DARS1: variants seen among roughly 807,000 people sequenced by gnomAD.
DARS1 encodes the protein aspartate--tRNA ligase, cytoplasmic.
In DARS1, 51 loss-of-function variants were observed where a neutral mutation model predicts 68.8. The observed-to-expected ratio is 0.74, with a 90% CI of 0.59 to 0.94. The LOEUF (loss-of-function observed/expected upper bound fraction) is 0.94. Among genes scored for constraint, DARS1 ranks in the 40% least tolerant of loss-of-function variants. DARS1 has a pLI of 0.00. For synonymous variants in DARS1, 203 were observed against 190.4 expected (o/e 1.07, Z -0.55); for missense variants, 607 against 597.3 (o/e 1.02, Z -0.17).
Position 135,963,765 on chromosome 2 carries a change from C to T in DARS1, c.218-2267G>A, listed in dbSNP as rs144697227. Among the ~76,000 whole-genome samples the T allele has an allele frequency of 7.8e-3, 1,181 of 152,018 alleles. 16 individuals are homozygous for T. Among genetic ancestry groups the T allele is most frequent in the African/African-American group, 0.027 (1,112 of 41,438 alleles). ...CATAATCTCGGCTCACTGCAACCTC[C>T]ACCTTCTGGGTTCAAGCAATTCTCC... is the stretch of plus-strand genomic sequence containing the variant. On this transcript the variant is annotated intron_variant, in intron 3 of 15. Transcript: ENST00000264161.
rs66527494 is a variant in DARS1, at chr2:135,959,391, CAAAAAAAAAAAAAAAAAAAAAA to C, written c.320+1983_320+2004del. Reference sequence around the variant, plus strand: ...GGGCAACAAGAGTGAAACTCCGTCTCAAAAAAAAAAAAAAAAAAAAAAAAAAAAAAAAAAAAAAAAAGATCGC... The same window carrying C: ...GGGCAACAAGAGTGAAACTCCGTCTCAAAAAAAAAAAAAAAAAAAGATCGC... On this transcript the variant is annotated intron_variant, in intron 4 of 15. Transcript: ENST00000264161. 3.0e-3 allele frequency among the ~76,000 whole-genome samples: 45 copies of C among 15,036 alleles called. 1 individual carries two copies. The highest frequency in any genetic ancestry group is 8.1e-3 in the Admixed American group (9 of 1,110). The allele number at this position is 15,036 out of a possible 152,430, so 9.9% of individuals were successfully genotyped here.
intron 4 of DARS1, among the ~76,000 whole-genome samples, chr2:135,944,727 C>T (rs1681681238): frequency 1.3e-5 from 2 of 152,134 alleles, no homozygotes; most frequent in African/African-American, 4.8e-5. Flanking sequence ...TAAGATAAGG[C>T]TCTTCTGAGG....
Position 135,960,345 on chromosome 2 carries a change from C to A in DARS1, c.320+1051G>T, listed in dbSNP as rs184903734. On this transcript the variant is annotated intron_variant, in intron 4 of 15. Coordinates refer to ENST00000264161, the MANE Select transcript of DARS1 (RefSeq NM_001349.4). ...GACGTAATTTGATAAATATCTAAAC[C>A]AAAACCAGCTGCTGAGCATCCTTTA... Among the ~76,000 whole-genome samples, 214 of 152,200 alleles carry A rather than the reference C, an allele frequency of 1.4e-3. 2 individuals carry two copies. The highest frequency in any genetic ancestry group is 9.9e-3 in the Admixed American group (152 of 15,286).
intron 3 of DARS1, among the ~76,000 whole-genome samples, chr2:135,961,888 T>A (rs1178402636): frequency 2.0e-5 from 3 of 152,238 alleles, no homozygotes; most frequent in Non-Finnish European, 4.4e-5. Flanking sequence ...AAAGGCACTG[T>A]ACTACTATGG....
At chr2:135,969,848 A>G (rs1285969544) in intron 3 of DARS1, among the ~76,000 whole-genome samples, 2 of 152,172 alleles carry the variant, frequency 1.3e-5, no homozygotes, top group Non-Finnish European at 2.9e-5. Context: ...TTATGGTCAC[A>G]ATATTTTTGC....
At chr2:135,941,123 C>T (rs1484734510) in intron 5 of DARS1, among the ~76,000 whole-genome samples, 4 of 152,184 alleles carry the variant, frequency 2.6e-5, no homozygotes, top group Non-Finnish European at 5.9e-5. Flanking sequence ...CCCCATCAAG[C>T]TACCAAGGAC....
rs540983157 is a variant in DARS1 at position 135,954,677 on chromosome 2, G to T, written c.320+6719C>A. On this transcript the variant is annotated intron_variant, in intron 4 of 15. Transcript: ENST00000264161. ...AAAGCAAGTGTAGTTACTATACTGA[G>T]TTTTAATTTCAGATTAAGCTTCTTA... Among the ~76,000 whole-genome samples the T allele has an allele frequency of 2.0e-5, 3 of 152,236 alleles. No individual in the cohort carries two copies. The East Asian group carries it at 5.8e-4, about 29-fold the overall frequency.
intron 12 of DARS1, among the ~76,000 whole-genome samples, chr2:135,912,789 T>G (rs1035398095): frequency 1.3e-5 from 2 of 150,208 alleles, no homozygotes; most frequent in Admixed American, 1.4e-4. Context: ...TTACTTATTA[T>G]CCATAGTTTT....
intron 4 of DARS1, among the ~76,000 whole-genome samples, chr2:135,959,510 G>C (rs1365770190): frequency 6.7e-6 from 1 of 150,084 alleles, no homozygotes; most frequent in Non-Finnish European, 1.5e-5. Flanking sequence ...AATTTTATGA[G>C]GGCATTAGTG....
intron 4 of DARS1, among the ~76,000 whole-genome samples, chr2:135,954,590 C>G (rs755347659): frequency 6.6e-6 from 1 of 152,196 alleles, no homozygotes; most frequent in East Asian, 1.9e-4. Context: ...CAGGGACTAA[C>G]AGAGAAGAGG....
At position 135,932,800 on chromosome 2, in the gene DARS1, T is replaced by A; in HGVS notation, c.547A>T (p.Arg183Ter). ...AGGCATACCCTAAGATCAATGACTC[T>A]GTTGTCTAATCTTGTATCCTGGTTA... is the stretch of plus-strand genomic sequence containing the variant. ...TVNQDTRLDNRVIDLRTSTSQ... is the reference protein window; with the variant it reads ...TVNQDTRLDN Residue 183 changes from arginine (R) to a stop codon, truncating the protein, a stop_gained, in exon 7 of 16, where the codon AGA (arginine) becomes TGA (stop). Transcript: ENST00000264161. LOFTEE classifies it high-confidence loss of function. The A allele has an allele frequency of 7.4e-7, 1 of 1,345,804 alleles. No homozygotes were observed. The highest frequency in any genetic ancestry group is 1.1e-6 in the Non-Finnish European group (1 of 944,064). The allele number at this position is 1,345,804 out of a possible 1,614,324, so 83.4% of individuals were successfully genotyped here.
At chr2:135,962,791 A>G (rs1682129202) in intron 3 of DARS1, among the ~76,000 whole-genome samples, 1 of 152,256 alleles carries the variant, frequency 6.6e-6, no homozygotes. Context: ...AAAATATTGG[A>G]AGGACAAAGG....
Position 135,979,360 on chromosome 2 carries a change from A to G in DARS1, c.131T>C (p.Val44Ala), listed in dbSNP as rs1212678326. The G allele has an allele frequency of 7.4e-7, 1 of 1,355,060 alleles. No homozygotes were observed. Among genetic ancestry groups the G allele is most frequent in the Non-Finnish European group, 1.1e-6 (1 of 943,724 alleles). The allele number at this position is 1,355,060 out of a possible 1,614,324, so 83.9% of individuals were successfully genotyped here. The change falls in exon 3 of 16, where the codon GTT (valine) becomes GCT (alanine). Residue 44 changes from valine (V) to alanine (A), a missense_variant. Coordinates refer to ENST00000264161, the MANE Select transcript of DARS1 (RefSeq NM_001349.4). Reference protein sequence around the residue: ...MIQSQEKPDRVLVRVRDLTIQ... With the variant: ...MIQSQEKPDRALVRVRDLTIQ... ...TGTCAAGTCTCTAACCCGAACCAAA[A>G]CTCGATCTGTAATAACAGTAAACGA...
intron 4 of DARS1, among the ~76,000 whole-genome samples, chr2:135,957,391 C>G (rs1363654167): frequency 1.3e-5 from 2 of 152,118 alleles, no homozygotes; most frequent in African/African-American, 4.8e-5. Context: ...CCATGCCTGG[C>G]TAATTTTTTG....
chr2:135,969,843 G>T (rs1358407420), intron 3 of DARS1, among the ~76,000 whole-genome samples: 1 of 152,054 alleles, frequency 6.6e-6, no homozygotes, highest in African/African-American at 2.4e-5. Flanking sequence ...CACGCTTATG[G>T]TCACAATATT....
intron 9 of DARS1, among the ~76,000 whole-genome samples, chr2:135,921,407 G>A (rs1372560639): frequency 2.6e-5 from 4 of 151,908 alleles, no homozygotes; most frequent in African/African-American, 9.7e-5. Flanking sequence ...TCTGCTTCCT[G>A]TCTAGAACTC....
intron 10 of DARS1, among the ~76,000 whole-genome samples, chr2:135,917,638 G>T (rs116723553): frequency 6.6e-6 from 1 of 151,728 alleles, no homozygotes; most frequent in African/African-American, 2.4e-5. Flanking sequence ...CACTATGACC[G>T]GCTAATTTTT....
At chr2:135,921,610 ATGACTG>A (rs1179863975) in intron 9 of DARS1, among the ~76,000 whole-genome samples, 1 of 152,314 alleles carries the variant, frequency 6.6e-6, no homozygotes, top group Non-Finnish European at 1.5e-5. Flanking sequence ...ATTATTCCCT[ATGACTG>A]TGATATGTAT....
chr2:135,955,673 C>CTTTTTT lies in DARS1; in HGVS notation c.320+5717_320+5722dup, dbSNP rs75123258. 2.6e-3 allele frequency among the ~76,000 whole-genome samples: 160 copies of CTTTTTT among 61,330 alleles called. 13 individuals carry two copies. Among genetic ancestry groups the CTTTTTT allele is most frequent in the African/African-American group, 8.9e-3 (122 of 13,734 alleles). The allele number at this position is 61,330 out of a possible 152,430, so 40.2% of individuals were successfully genotyped here. On this transcript the variant is annotated intron_variant, in intron 4 of 15. Coordinates refer to ENST00000264161, the MANE Select transcript of DARS1 (RefSeq NM_001349.4). Reference sequence around the variant, plus strand: ...ACCACCACCTTTTGAAAATAAAAATCTTTTTTTTTTTTTTTTTTTTTTTTT... The same window carrying CTTTTTT: ...ACCACCACCTTTTGAAAATAAAAATCTTTTTTTTTTTTTTTTTTTTTTTTTTTTTTT...
Sources: gnomAD v4.1 joint callset for allele counts (sites outside exome capture counted in the v4.1 genomes callset) on GRCh38, gnomAD v4.1.1 for gene constraint, MANE v1.5 for transcripts, NCBI Gene and HGNC (gene_info 2026-07-23, HGNC 2026-07-21) for gene names.